NRXN3: variants seen among roughly 807,000 people sequenced by gnomAD.
The protein encoded by NRXN3 is neurexin III.
Under a neutral mutation model 137.6 loss-of-function variants are expected in NRXN3, and 32 were observed. The ratio of observed to expected loss-of-function variants is 0.23; its 90% CI spans 0.18 to 0.31. NRXN3 has a LOEUF of 0.31. Ranked by LOEUF, NRXN3 falls within the 10% of genes least tolerant of loss-of-function variation. NRXN3 has a pLI of 1.00. For synonymous variants in NRXN3, 798 were observed against 784.5 expected, an observed-to-expected ratio of 1.02 and a Z score of -0.29; for missense variants, 1,574 against 2,062.5, an observed-to-expected ratio of 0.76 and a Z score of 4.59.
intron 16 of NRXN3, among the ~76,000 whole-genome samples, chr14:79,590,900 T>C (rs1349229996): frequency 6.6e-6 from 1 of 152,242 alleles, no homozygotes; most frequent in East Asian, 1.9e-4. Context: ...CTTTTGCCAC[T>C]ATGCTGTCTC....
intron 8 of NRXN3, among the ~76,000 whole-genome samples, chr14:78,729,963 A>G (rs1245905041): frequency 6.6e-6 from 1 of 152,228 alleles, no homozygotes; most frequent in African/African-American, 2.4e-5. Flanking sequence ...ACAAATTTGA[A>G]GGAACTTAGT....
intron 15 of NRXN3, among the ~76,000 whole-genome samples, chr14:79,443,864 G>A (rs2096009801): frequency 6.6e-6 from 1 of 152,182 alleles, no homozygotes. Flanking sequence ...TCCTTCCTTA[G>A]AATACTTCCC....
intron 15 of NRXN3, among the ~76,000 whole-genome samples, chr14:79,417,767 G>A (rs1189719751): frequency 2.6e-5 from 4 of 152,060 alleles, no homozygotes; most frequent in Non-Finnish European, 4.4e-5. Context: ...GTATTTCTAT[G>A]TTTATGCAAT....
rs546260309 is a variant in NRXN3 at position 79,551,188 on chromosome 14, C to T, written c.3444+83786C>T. On this transcript the variant is annotated intron_variant, in intron 16 of 20. Coordinates refer to ENST00000335750, the MANE Select transcript of NRXN3 (RefSeq NM_001330195.2). The stretch of plus-strand genomic sequence containing the variant: ...AATAGTGAATGGCATTTCTTATGTG[C>T]CTAATAAATATTAACTCATCTACTG... Among the ~76,000 whole-genome samples, 6 of 152,268 alleles carry T rather than the reference C, an allele frequency of 3.9e-5. No individual in the cohort carries two copies. The East Asian group carries it at 9.7e-4, about 24-fold the overall frequency.
intron 15 of NRXN3, chr14:79,280,012 G>T: frequency 8.3e-7 from 1 of 1,210,724 alleles, no homozygotes; most frequent in Non-Finnish European, 1.0e-6. Flanking sequence ...GCATGCCGGG[G>T]CTCCGTAGGA....
intron 10 of NRXN3, among the ~76,000 whole-genome samples, chr14:78,874,625 T>C (rs562938668): frequency 1.3e-5 from 2 of 152,180 alleles, no homozygotes; most frequent in Non-Finnish European, 2.9e-5. Flanking sequence ...ATCTGTTCAG[T>C]TGGCAGAGTG....
chr14:79,768,559 G>T (rs751626438), intron 19 of NRXN3, among the ~76,000 whole-genome samples: 4 of 152,128 alleles, frequency 2.6e-5, no homozygotes, highest in South Asian at 2.1e-4. Context: ...TGCCGCTGAG[G>T]GTCCTGTCTG....
chr14:78,897,049 G>C (rs549746338), intron 10 of NRXN3, among the ~76,000 whole-genome samples: 1 of 151,936 alleles, frequency 6.6e-6, no homozygotes, highest in African/African-American at 2.4e-5. Context: ...CTTATGTATT[G>C]TCTGTGGCTG....
intron 4 of NRXN3, among the ~76,000 whole-genome samples, chr14:78,468,648 CTCTATAG>C (rs2095184033): frequency 6.6e-6 from 1 of 152,150 alleles, no homozygotes; most frequent in African/African-American, 2.4e-5. Flanking sequence ...GAGACATAGA[CTCTATAG>C]TCTATTTCTA....
intron 16 of NRXN3, among the ~76,000 whole-genome samples, chr14:79,569,995 C>T (rs2097584792): frequency 6.6e-6 from 1 of 152,140 alleles, no homozygotes; most frequent in Admixed American, 6.5e-5. Context: ...GTCCCCAGGC[C>T]TTGCTGGCTT....
chr14:78,531,623 T>A (rs1566658191), intron 4 of NRXN3, among the ~76,000 whole-genome samples: 1 of 152,178 alleles, frequency 6.6e-6, no homozygotes, highest in Non-Finnish European at 1.5e-5. Flanking sequence ...TTTCCTTTTT[T>A]TTGCATGTGC....
chr14:79,382,340 A>G (rs902387918), intron 15 of NRXN3, among the ~76,000 whole-genome samples: 1 of 152,184 alleles, frequency 6.6e-6, no homozygotes, highest in Non-Finnish European at 1.5e-5. Context: ...GCGCAGGACA[A>G]TGGGCTGTCT....
intron 4 of NRXN3, among the ~76,000 whole-genome samples, chr14:78,421,917 C>T (rs2093463866): frequency 6.6e-6 from 1 of 152,100 alleles, no homozygotes; most frequent in Non-Finnish European, 1.5e-5. Context: ...GCAACAAGCG[C>T]CAGCTATTTC....
intron 10 of NRXN3, among the ~76,000 whole-genome samples, chr14:78,902,630 C>T (rs531489356): frequency 2.0e-5 from 3 of 151,942 alleles, no homozygotes; most frequent in Admixed American, 6.6e-5. Context: ...ATATGAACAA[C>T]GAAGTCCAAA....
chr14:78,487,656 C>T (rs564254548), intron 4 of NRXN3, among the ~76,000 whole-genome samples: 4 of 151,948 alleles, frequency 2.6e-5, no homozygotes, highest in African/African-American at 9.6e-5. Flanking sequence ...GCATAAGAAT[C>T]GCTTGAACCC....
At chr14:78,971,695 G>A (rs2099441535) in intron 14 of NRXN3, among the ~76,000 whole-genome samples, 1 of 152,110 alleles carries the variant, frequency 6.6e-6, no homozygotes, top group Admixed American at 6.5e-5. Context: ...GAGTGCAGTG[G>A]CGTGATCTCG....
intron 15 of NRXN3, among the ~76,000 whole-genome samples, chr14:79,366,980 CTTTT>C (rs71131695): frequency 1.8e-5 from 2 of 113,198 alleles, no homozygotes; most frequent in African/African-American, 6.3e-5. Flanking sequence ...GTCCCTTAGT[CTTTT>C]TTTTTTTTTT....
chr14:78,962,916 G>T (rs1452813388), intron 11 of NRXN3, among the ~76,000 whole-genome samples: 1 of 152,002 alleles, frequency 6.6e-6, no homozygotes, highest in East Asian at 1.9e-4. Context: ...TTTTCACCAT[G>T]TTAGCCAGGA....
chr14:79,594,674 C>G, intron 16 of NRXN3, among the ~76,000 whole-genome samples: 1 of 133,048 alleles, frequency 7.5e-6, no homozygotes, highest in East Asian at 2.0e-4. Flanking sequence ...GATGAATCAC[C>G]TTTCTTCCAG....
Sources: gnomAD v4.1 joint callset for allele counts (sites outside exome capture counted in the v4.1 genomes callset) on GRCh38, gnomAD v4.1.1 for gene constraint, MANE v1.5 for transcripts, NCBI Gene and HGNC (gene_info 2026-07-23, HGNC 2026-07-21) for gene names.